PGBD2: variants seen among roughly 807,000 people sequenced by gnomAD.
The protein encoded by PGBD2 is piggyBac transposable element derived 2.
A neutral mutation model predicts 8.1 loss-of-function variants in PGBD2; 6 were observed. That is an observed-to-expected ratio of 0.74 (90% confidence interval 0.40 to 1.46). PGBD2 has a LOEUF of 1.46. Among genes scored for constraint, PGBD2 ranks in the 40% most tolerant of loss-of-function variants. The probability of loss-of-function intolerance (pLI) is 0.02; values close to 1 mark genes in which losing one functional copy is unlikely to be tolerated. For missense variants in PGBD2, 802 were observed against 739.0 expected, an observed-to-expected ratio of 1.09 and a Z score of -0.99; for synonymous variants, 318 against 272.2, an observed-to-expected ratio of 1.17 and a Z score of -1.66.
At chr1:248,880,765 A>C in the PGBD2 span, among the ~76,000 whole-genome samples, 3 of 152,248 alleles carry the variant, frequency 2.0e-5, no homozygotes, top group South Asian at 4.1e-4. Context: ...TATTTTATCT[A>C]TTACTGTGGT....
chr1:248,923,162 G>C (rs1192489408), downstream of PGBD2, among the ~76,000 whole-genome samples: 2 of 152,082 alleles, frequency 1.3e-5, no homozygotes, highest in Admixed American at 6.6e-5. Flanking sequence ...TCAGGGATTC[G>C]ACTTCCTCCT....
chr1:248,921,737 T>C (rs1217758814), downstream of PGBD2, among the ~76,000 whole-genome samples: 1 of 152,244 alleles, frequency 6.6e-6, no homozygotes, highest in Admixed American at 6.5e-5. Context: ...GTGTGGCCAT[T>C]TTCACGATAT....
Position 248,918,566 on chromosome 1 carries a change from C to A in PGBD2, c.*203C>A, listed in dbSNP as rs896454684. The A allele has an allele frequency of 3.4e-6, 1 of 297,654 alleles. No homozygotes were observed. The highest frequency in any genetic ancestry group is 6.3e-6 in the Non-Finnish European group (1 of 157,612). The allele number at this position is 297,654 out of a possible 1,614,324, so 18.4% of individuals were successfully genotyped here. A position where few individuals can be genotyped will look rare whatever the true frequency, so the allele number is the denominator to read the frequency against. On this transcript the variant is annotated 3_prime_UTR_variant, in exon 3 of 3. Transcript: ENST00000329291. Reference sequence around the variant, plus strand: ...TGTGATATAAATTAATATTTATATTCATTTATATTTATATTTTTGAACTTA... The same window carrying A: ...TGTGATATAAATTAATATTTATATTAATTTATATTTATATTTTTGAACTTA...
chr1:248,902,779 T>C (rs571709428), upstream of PGBD2, among the ~76,000 whole-genome samples: 3 of 151,872 alleles, frequency 2.0e-5, no homozygotes, highest in East Asian at 1.9e-4. Context: ...TTCTCACTTA[T>C]AAGTGGGAGA....
chr1:248,911,321 T>C (rs1488978042), intron 1 of PGBD2, among the ~76,000 whole-genome samples: 1 of 151,254 alleles, frequency 6.6e-6, no homozygotes, highest in Non-Finnish European at 1.5e-5. Context: ...TGATGACTCT[T>C]AACGAGCATC....
the PGBD2 span, among the ~76,000 whole-genome samples, chr1:248,926,449 C>A: frequency 7.9e-5 from 12 of 152,250 alleles, no homozygotes; most frequent in East Asian, 2.3e-3. Context: ...CAAAATGGGC[C>A]TCCAGGAGCT....
At chr1:248,906,437 G>C (rs1472688046) in intron 1 of PGBD2, 95 bp downstream of exon 1, 1 of 152,170 alleles carries the variant, frequency 6.6e-6, no homozygotes, top group Admixed American at 6.6e-5. Context: ...CGGCATCCGA[G>C]GAGTTCGTCC....
At chr1:248,903,955 T>C (rs1661577177), upstream of PGBD2, among the ~76,000 whole-genome samples, 1 of 152,206 alleles carries the variant, frequency 6.6e-6, no homozygotes, top group African/African-American at 2.4e-5. Flanking sequence ...TGAGAATTTT[T>C]ATATGTAAAG....
chr1:248,910,117 C>A (rs1042178578), intron 1 of PGBD2, among the ~76,000 whole-genome samples: 1 of 152,224 alleles, frequency 6.6e-6, no homozygotes, highest in African/African-American at 2.4e-5. Context: ...TGACCCAAAC[C>A]TGGCTGGACC....
At chr1:248,899,039 A>C in the PGBD2 span, among the ~76,000 whole-genome samples, 2 of 152,174 alleles carry the variant, frequency 1.3e-5, no homozygotes, top group Non-Finnish European at 2.9e-5. Flanking sequence ...GGTTCAATTA[A>C]ACAAGAGGAG....
At chr1:248,891,329 C>A in the PGBD2 span, among the ~76,000 whole-genome samples, 1 of 151,998 alleles carries the variant, frequency 6.6e-6, no homozygotes. Context: ...AGAGGGAACT[C>A]GGTGGGTGAG....
At chr1:248,898,094 A>G in the PGBD2 span, among the ~76,000 whole-genome samples, 2 of 152,208 alleles carry the variant, frequency 1.3e-5, no homozygotes, top group East Asian at 1.9e-4. Context: ...CCTGGGATGC[A>G]GCCCCTTGGG....
the PGBD2 span, among the ~76,000 whole-genome samples, chr1:248,881,959 G>C: frequency 6.6e-6 from 1 of 152,154 alleles, no homozygotes; most frequent in Non-Finnish European, 1.5e-5. Context: ...CTTATAATTT[G>C]GGTGAGCAGT....
At chr1:248,889,383 G>A in the PGBD2 span, among the ~76,000 whole-genome samples, 5 of 151,682 alleles carry the variant, frequency 3.3e-5, no homozygotes, top group African/African-American at 7.3e-5. Flanking sequence ...AGACTTCTCC[G>A]TCTCAAAAAG....
chr1:248,911,651 CG>C (rs1661885235), intron 1 of PGBD2, among the ~76,000 whole-genome samples: 1 of 148,176 alleles, frequency 6.7e-6, no homozygotes, highest in African/African-American at 2.6e-5. Flanking sequence ...CCAGACGGGG[CG>C]GCTGGCCGGG....
chr1:248,901,591 C>G (rs1193192470), upstream of PGBD2, among the ~76,000 whole-genome samples: 1 of 152,134 alleles, frequency 6.6e-6, no homozygotes, highest in Non-Finnish European at 1.5e-5. Context: ...AAAAATAACT[C>G]AAGATGGATT....
the PGBD2 span, among the ~76,000 whole-genome samples, chr1:248,877,182 G>A: frequency 6.6e-6 from 1 of 152,168 alleles, no homozygotes; most frequent in East Asian, 1.9e-4. Flanking sequence ...GTATGTTGTT[G>A]TAGCTGCTGT....
the PGBD2 span, among the ~76,000 whole-genome samples, chr1:248,877,478 C>A: frequency 1.3e-5 from 2 of 151,990 alleles, no homozygotes; most frequent in African/African-American, 4.8e-5. Context: ...TACACAGGTG[C>A]ATTCAGAATA....
intron 2 of PGBD2, chr1:248,914,416 G>A: frequency 8.0e-7 from 1 of 1,244,658 alleles, no homozygotes; most frequent in Non-Finnish European, 1.0e-6. Context: ...CTTTAAGCCG[G>A]TCTCTTTTTC....
Sources: allele counts gnomAD v4.1 joint callset (sites outside exome capture counted in the v4.1 genomes callset), GRCh38; gene constraint gnomAD v4.1.1; transcripts MANE v1.5; gene names NCBI Gene and HGNC (gene_info 2026-07-23, HGNC 2026-07-21).